Variants in GSE1 observed in about 807,000 individuals in gnomAD.
GSE1 encodes genetic suppressor element 1.
A neutral mutation model predicts 112.6 loss-of-function variants in GSE1; 32 were observed. The observed-to-expected ratio is 0.28, with a 90% CI of 0.21 to 0.38. The LOEUF is 0.38. Ranked by LOEUF, GSE1 falls within the 10% of genes least tolerant of loss-of-function variation. GSE1 has a pLI of 1.00. For synonymous variants in GSE1, 1,115 were observed against 735.6 expected (o/e 1.52, Z -8.35); for missense variants, 2,348 against 1,699.2 (o/e 1.38, Z -6.71).
chr16:85,361,045 A>G (rs533053965), intron 2 of GSE1, among the ~76,000 whole-genome samples: 2 of 152,170 alleles, frequency 1.3e-5, no homozygotes, highest in South Asian at 2.1e-4. Flanking sequence ...ACATACACAT[A>G]TGCGATACAC....
intron 2 of GSE1, among the ~76,000 whole-genome samples, chr16:85,403,771 C>T (rs1437148248): frequency 1.3e-5 from 2 of 152,164 alleles, no homozygotes; most frequent in African/African-American, 4.8e-5. Context: ...CACTGCACTC[C>T]AGTCCTGGTG....
intron 1 of GSE1, among the ~76,000 whole-genome samples, chr16:85,566,820 C>A (rs1006376434): frequency 6.6e-6 from 1 of 152,186 alleles, no homozygotes; most frequent in Non-Finnish European, 1.5e-5. Context: ...GAAAGGGGGG[C>A]CGGCAGGGAA....
chr16:85,367,127 G>A (rs2151590559), intron 2 of GSE1, among the ~76,000 whole-genome samples: 1 of 152,346 alleles, frequency 6.6e-6, no homozygotes, highest in South Asian at 2.1e-4. Context: ...CTGTCACCAG[G>A]GACCTCGGCT....
chr16:85,507,057 G>A (rs900868994), intron 2 of GSE1, among the ~76,000 whole-genome samples: 1 of 152,178 alleles, frequency 6.6e-6, no homozygotes, highest in African/African-American at 2.4e-5. Context: ...TGGGGTTGCG[G>A]TTTCTCCCGA....
chr16:85,182,351 G>A (rs2074605555), intron 1 of GSE1, among the ~76,000 whole-genome samples: 1 of 152,230 alleles, frequency 6.6e-6, no homozygotes, highest in South Asian at 2.1e-4. Flanking sequence ...CCAGAGGATG[G>A]GAGGAGGCTC....
At chr16:85,252,799 C>T (rs1597195751) in intron 1 of GSE1, among the ~76,000 whole-genome samples, 1 of 152,234 alleles carries the variant, frequency 6.6e-6, no homozygotes, top group South Asian at 2.1e-4. Context: ...CTGCCGGTGA[C>T]AGGACGGGCC....
At chr16:85,672,206 G>C in intron 15 of GSE1, 199 bp from the exon 16 acceptor site, 1 of 586,344 alleles carries the variant, frequency 1.7e-6, no homozygotes, top group South Asian at 1.7e-5. Context: ...TGTTGGCCAG[G>C]CTGGTCTCGA....
exon 1 of GSE1, chr16:85,556,083 A>T (rs2045195577): frequency 1.0e-6 from 1 of 983,828 alleles, no homozygotes; most frequent in South Asian, 4.7e-5. Context: ...GCCAGGGCCA[A>T]GGTGGCCGAA....
At position 85,668,415 on chromosome 16, in the gene GSE1, C is replaced by T. The variant is rs566842302; in HGVS notation, c.3406C>T (p.His1136Tyr). ...GGCCGTTTTTGAAGCTTACCAGGAA[C>T]ACATAGAAGGTAAGGGGGTGCTGGG... ...IEAVFEAYQE[H>Y]IEEQNLERQV... Residue 1136 changes from histidine (H) to tyrosine (Y), a missense_variant, in exon 14 of 16, where the codon CAC becomes TAC. By Grantham distance (83) the His-to-Tyr change is moderately conservative. Coordinates refer to ENST00000253458, the MANE Select transcript of GSE1 (RefSeq NM_014615.5). 21 of 1,599,058 alleles carry T rather than the reference C, an allele frequency of 1.3e-5. No individual in the cohort carries two copies. Among genetic ancestry groups the T allele is most frequent in the Non-Finnish European group, 1.8e-5 (21 of 1,172,478 alleles).
At chr16:85,390,558 G>A (rs987267284) in intron 2 of GSE1, among the ~76,000 whole-genome samples, 1 of 152,136 alleles carries the variant, frequency 6.6e-6, no homozygotes, top group Non-Finnish European at 1.5e-5. Context: ...AAGGTGTCGG[G>A]CTTTATGTCT....
exon 1 of GSE1, chr16:85,171,499 C>T (rs1356604934): frequency 1.3e-5 from 13 of 985,644 alleles, no homozygotes; most frequent in Non-Finnish European, 1.6e-5. Flanking sequence ...GGCCCAGTGG[C>T]TGCAGCATGA....
chr16:85,427,535 G>C (rs936095466), intron 2 of GSE1, among the ~76,000 whole-genome samples: 3 of 152,082 alleles, frequency 2.0e-5, no homozygotes, highest in Non-Finnish European at 2.9e-5. Context: ...CCAGCTACTC[G>C]GGAGCCTGAG....
chr16:85,304,157 C>T (rs776950734), intron 1 of GSE1, among the ~76,000 whole-genome samples: 1 of 152,226 alleles, frequency 6.6e-6, no homozygotes, highest in Non-Finnish European at 1.5e-5. Flanking sequence ...ATCCCATTGC[C>T]AGGGAATACA....
At chr16:85,405,043 A>G (rs183830650) in intron 2 of GSE1, among the ~76,000 whole-genome samples, 525 of 3,216 alleles carry the variant, frequency 0.16, 3 homozygotes, top group South Asian at 0.2. Context: ...AATCCTCACT[A>G]TTACACTCAG....
chr16:85,226,947 G>C (rs892780789), intron 1 of GSE1, among the ~76,000 whole-genome samples: 4 of 152,044 alleles, frequency 2.6e-5, no homozygotes, highest in Non-Finnish European at 5.9e-5. Context: ...GAATAAGTCA[G>C]TCAGGTAGCG....
Position 85,308,570 on chromosome 16 carries a change from A to G in GSE1, c.2284-48893A>G, listed in dbSNP as rs555193434. Among the ~76,000 whole-genome samples, 259 of 152,300 alleles carry G rather than the reference A, an allele frequency of 1.7e-3. 1 individual carries two copies. The Middle Eastern group carries it at 0.027, about 16-fold the overall frequency. On this transcript the variant is annotated intron_variant, in intron 1 of 2. Coordinates refer to the GSE1 transcript ENST00000637419. The stretch of plus-strand genomic sequence containing the variant: ...CCATAGCTCCTGCAATCCACTCTGA[A>G]CAGGAAACCTTCTCATCTATTTATT...
chr16:85,521,726 C>T (rs1415593780), intron 2 of GSE1, among the ~76,000 whole-genome samples: 7 of 152,248 alleles, frequency 4.6e-5, no homozygotes, highest in Non-Finnish European at 1.0e-4. Context: ...GTGTGTTGCT[C>T]TGTGGAGGGC....
At position 85,545,555 on chromosome 16, in the gene GSE1, T is replaced by C. The variant is rs372013026; in HGVS notation, c.2465-88359T>C. On this transcript the variant is annotated intron_variant, in intron 2 of 2. Transcript: ENST00000637419. ...TCTGAGTTCCAGTCTGAGCATTGCT[T>C]CTTACTGGCTGTGTGACCTTGGGCA... Among the ~76,000 whole-genome samples, 16 of 152,288 alleles carry C rather than the reference T, an allele frequency of 1.1e-4. No individual in the cohort carries two copies. The South Asian group carries it at 3.3e-3, about 32-fold the overall frequency.
intron 1 of GSE1, among the ~76,000 whole-genome samples, chr16:85,222,372 G>A (rs925645511): frequency 6.6e-6 from 1 of 152,218 alleles, no homozygotes; most frequent in Non-Finnish European, 1.5e-5. Context: ...AGACCACAGG[G>A]CGGGCTGGAG....
Sources: gnomAD v4.1 joint callset for allele counts (sites outside exome capture counted in the v4.1 genomes callset) on GRCh38, gnomAD v4.1.1 for gene constraint, MANE v1.5 for transcripts, NCBI Gene and HGNC (gene_info 2026-07-23, HGNC 2026-07-21) for gene names.